The following PLEKHG5 variants were observed in gnomAD, a reference collection of about 807,000 sequenced individuals.
PLEKHG5 encodes the protein pleckstrin homology domain-containing family G member 5.
A neutral mutation model predicts 103.8 loss-of-function variants in PLEKHG5; 52 were observed. The observed-to-expected ratio is 0.50, with a 90% confidence interval of 0.40 to 0.63. The LOEUF (loss-of-function observed/expected upper bound fraction) is 0.63. PLEKHG5 is among the 30% of genes least tolerant of loss of function. PLEKHG5 has a pLI of 0.00. For missense variants in PLEKHG5, 1,205 were observed against 1,347.6 expected (o/e 0.89, Z 1.66); for synonymous variants, 592 against 575.5 (o/e 1.03, Z -0.41).
intron 1 of PLEKHG5, among the ~76,000 whole-genome samples, chr1:6,483,838 C>T (rs549241831): frequency 6.6e-6 from 1 of 152,352 alleles, no homozygotes; most frequent in African/African-American, 2.4e-5. Flanking sequence ...AGGGCCCTGC[C>T]CCACCTTGTC....
At chr1:6,496,665 C>T, upstream of PLEKHG5, 1 of 814,408 alleles carries the variant, frequency 1.2e-6, no homozygotes, top group South Asian at 2.1e-5. Context: ...GGGTGATCTC[C>T]TCAGTCCTCC....
chr1:6,499,413 C>T (rs554870568), upstream of PLEKHG5, among the ~76,000 whole-genome samples: 5 of 152,336 alleles, frequency 3.3e-5, no homozygotes, highest in African/African-American at 1.2e-4. Flanking sequence ...CTGGTCTCAG[C>T]AGGCTCCAGG....
At position 6,469,446 on chromosome 1, in the gene PLEKHG5, G is replaced by C. The variant is rs1176575651; in HGVS notation, c.1938C>G (p.Ser646=). ...IVCRELRDPG[S]FLLIYLNEFH... ...ACTCATTCAGGTAGATAAGGAGGAA[G>C]GACCCTGGTTAGGGAAGGCCCAAGT... Residue 646 remains serine (S), a synonymous_variant, in exon 18 of 21, where the codon TCC becomes TCG. Coordinates refer to ENST00000377728, the MANE Select transcript of PLEKHG5 (RefSeq NM_020631.6). 3 of 1,613,910 alleles carry C rather than the reference G, an allele frequency of 1.9e-6. No homozygotes were observed. In the East Asian group the frequency reaches 6.7e-5, roughly 36 times the overall value.
rs1305950436 is a variant in PLEKHG5 at position 6,469,078 on chromosome 1, A to T, written c.2213T>A (p.Met738Lys). The T allele has an allele frequency of 4.7e-5, 76 of 1,613,122 alleles. No homozygotes were observed. The highest frequency in any genetic ancestry group is 6.4e-5 in the Non-Finnish European group (75 of 1,179,982). ...GTSAASSPTIMRKSSGSPDSQ... is the reference protein window; with the variant it reads ...GTSAASSPTIKRKSSGSPDSQ... ...GTCGGGGCTGCCGCTGCTTTTCCGC[A>T]TGATGGTAGGGGAGCTGGCAGCTGA... The change falls in exon 19 of 21, where the codon ATG becomes AAG. Residue 738 changes from methionine (M) to lysine (K), a missense_variant. Physicochemically the swap from Met to Lys is moderately conservative, Grantham distance 95. Coordinates refer to ENST00000377728, the MANE Select transcript of PLEKHG5 (RefSeq NM_020631.6).
At position 6,512,550 on chromosome 1, in the gene PLEKHG5, C is replaced by T. The variant is rs1472083889; in HGVS notation, c.-165+6895G>A. On this transcript the variant is annotated intron_variant, in intron 1 of 21. Transcript: ENST00000377740. ...GGCCCAGTCACTGCCCAGCATCTGG[C>T]CGGACCATCATCACCCACCCAACCA... 1.3e-5 allele frequency among the ~76,000 whole-genome samples: 2 copies of T among 152,214 alleles called. 1 individual carries two copies. The highest frequency in any genetic ancestry group is 2.9e-5 in the Non-Finnish European group (2 of 68,040).
upstream of PLEKHG5, chr1:6,496,918 G>C: frequency 6.8e-7 from 1 of 1,476,772 alleles, no homozygotes; most frequent in Non-Finnish European, 8.9e-7. Context: ...GGGCTGCTGG[G>C]GGGAAGGGGC....
Position 6,514,765 on chromosome 1 carries a change from G to GA in PLEKHG5, c.-165+4679dup, listed in dbSNP as rs145567355. Among the ~76,000 whole-genome samples the GA allele has an allele frequency of 7.7e-3, 936 of 121,428 alleles. 10 individuals are homozygous for GA. The highest frequency in any genetic ancestry group is 0.023 in the African/African-American group (763 of 32,578). The allele number at this position is 121,428 out of a possible 152,430, so 79.7% of individuals were successfully genotyped here. On this transcript the variant is annotated intron_variant, in intron 1 of 21. Transcript: ENST00000377740. ...GACAGAGCAAGACTCCATCTTGAAG[G>GA]AAAAAAAAAAAAAGAAAATTGGCCA... is the stretch of plus-strand genomic sequence containing the variant.
intron 16 of PLEKHG5, 142 bp downstream of exon 16, chr1:6,470,094 G>A (rs1644520969): frequency 1.1e-6 from 1 of 948,624 alleles, no homozygotes; most frequent in African/African-American, 1.6e-5. Flanking sequence ...TGAATGGCAG[G>A]CAGAGAACTG....
chr1:6,502,061 C>T lies in PLEKHG5; in HGVS notation c.-164-5492G>A, dbSNP rs369744658. ...CGCGTGAGCCCCACCCTCCTGGGCGCCGGTCCATGCCTGGGCAGCTGCTGC... is the reference window on the plus strand; with the variant it reads ...CGCGTGAGCCCCACCCTCCTGGGCGTCGGTCCATGCCTGGGCAGCTGCTGC... On this transcript the variant is annotated intron_variant, in intron 1 of 21. Coordinates refer to the PLEKHG5 transcript ENST00000377740. 2.1e-3 allele frequency among the ~76,000 whole-genome samples: 315 copies of T among 152,382 alleles called. 1 individual carries two copies. Among genetic ancestry groups the T allele is most frequent in the African/African-American group, 7.0e-3 (293 of 41,596 alleles).
At chr1:6,469,782 C>T (rs1313830574) in intron 16 of PLEKHG5, 106 bp from the exon 17 acceptor site, 3 of 1,013,160 alleles carry the variant, frequency 3.0e-6, no homozygotes, top group Non-Finnish European at 4.5e-6. Flanking sequence ...AAACACTCCT[C>T]CCACCATGAA....
intron 1 of PLEKHG5, among the ~76,000 whole-genome samples, chr1:6,516,744 T>C (rs746747211): frequency 9.6e-6 from 1 of 104,596 alleles, no homozygotes; most frequent in Non-Finnish European, 2.1e-5. Flanking sequence ...TGTATATATA[T>C]GTGTGTGTGT....
Position 6,473,088 on chromosome 1 carries a change from G to C in PLEKHG5, c.882C>G (p.Phe294Leu). The C allele has an allele frequency of 6.2e-7, 1 of 1,613,958 alleles. No homozygotes were observed. The highest frequency in any genetic ancestry group is 8.5e-7 in the Non-Finnish European group (1 of 1,179,932). ...ACTCCTCCTCCCAGGAGTCATGGTC[G>C]AAGCGCAGCCCCCGGGGCAGCCTGG... is the stretch of plus-strand genomic sequence containing the variant. ...GLPRLPRGLR[F>L]DHDSWEEEYD... Residue 294 changes from phenylalanine to leucine, a missense_variant, in exon 9 of 21, where the codon TTC becomes TTG. Phe to Leu is a conservative substitution (Grantham distance 22, BLOSUM62 0). Transcript: ENST00000377728.
chr1:6,493,992 C>T (rs1192641770), upstream of PLEKHG5, among the ~76,000 whole-genome samples: 1 of 151,900 alleles, frequency 6.6e-6, no homozygotes, highest in East Asian at 1.9e-4. Flanking sequence ...TGCTCTGTTG[C>T]CCAGGCTGCA....
Position 6,467,220 on chromosome 1 carries a change from A to C in PLEKHG5, c.*343T>G. 6.1e-6 allele frequency: 3 copies of C among 488,590 alleles called. No individual in the cohort carries two copies. The highest frequency in any genetic ancestry group is 7.6e-6 in the Non-Finnish European group (2 of 264,576). 30.3% of individuals were successfully genotyped at this position (488,590 alleles called of 1,614,324 possible). On this transcript the variant is annotated 3_prime_UTR_variant, in exon 21 of 21. Transcript: ENST00000377728. ...CCAGGGGTGGCCTGTGGGACTGGGAAGGTGGGGGCAGGGCAGGAGTGAATC... is the reference window on the plus strand; with the variant it reads ...CCAGGGGTGGCCTGTGGGACTGGGACGGTGGGGGCAGGGCAGGAGTGAATC...
rs111724922 is a variant in PLEKHG5, at chr1:6,468,446, G to A, written c.2390C>T (p.Thr797Met). Reference sequence around the variant, plus strand: ...CAGGGGCAGCAGCTCACTGGTGGGCGTGGCAGATGAGGCAGTGGTGCTGAG... The same window carrying A: ...CAGGGGCAGCAGCTCACTGGTGGGCATGGCAGATGAGGCAGTGGTGCTGAG... The part of the protein sequence containing the change: ...TSLSTTASSA[T>M]PTSELLPLGP... The change falls in exon 20 of 21, where the codon ACG becomes ATG. Residue 797 changes from threonine to methionine, a missense_variant. By Grantham distance (81) the Thr-to-Met change is moderately conservative (BLOSUM62 -1). Coordinates refer to ENST00000377728, the MANE Select transcript of PLEKHG5 (RefSeq NM_020631.6). 4.9e-5 allele frequency: 79 copies of A among 1,612,936 alleles called. No homozygotes were observed. The highest frequency in any genetic ancestry group is 1.2e-4 in the African/African-American group (9 of 75,028).
intron 1 of PLEKHG5, among the ~76,000 whole-genome samples, chr1:6,516,817 T>C (rs1256857139): frequency 6.8e-6 from 1 of 146,188 alleles, no homozygotes; most frequent in Admixed American, 7.0e-5. Context: ...TGTGTGTATA[T>C]ATATGTGTAT....
intron 1 of PLEKHG5, among the ~76,000 whole-genome samples, chr1:6,514,496 C>T (rs1206888282): frequency 1.3e-5 from 2 of 151,176 alleles, no homozygotes; most frequent in African/African-American, 4.9e-5. Context: ...GGTGTGGTGG[C>T]TCACGCCTAT....
rs1195545601 is a variant in PLEKHG5, at chr1:6,471,649, G to A, written c.1132-12C>T. On this transcript the variant is annotated splice_polypyrimidine_tract_variant and intron_variant, in intron 11 of 20. Transcript: ENST00000377728. ...CGCTCCGCCTCCACCTGGGCGCGGC[G>A]GGAGGTGCGGTTGGCCACGCCCCTC... is the stretch of plus-strand genomic sequence containing the variant. The A allele has an allele frequency of 5.1e-6, 8 of 1,572,510 alleles. No homozygotes were observed. The South Asian group carries it at 7.0e-5, about 14-fold the overall frequency.
At chr1:6,469,508 GCCCCTGA>G (rs1322643415) in intron 17 of PLEKHG5, 29 bp downstream of exon 17, 1 of 1,613,586 alleles carries the variant, frequency 6.2e-7, no homozygotes, top group Non-Finnish European at 8.5e-7. Flanking sequence ...ACCCATCACA[GCCCCTGA>G]CCAGGAACAG....
Sources: allele counts gnomAD v4.1 joint callset (sites outside exome capture counted in the v4.1 genomes callset), GRCh38; gene constraint gnomAD v4.1.1; transcripts MANE v1.5; gene names NCBI Gene and HGNC (gene_info 2026-07-23, HGNC 2026-07-21).